Variants in CD44 observed in about 807,000 individuals in gnomAD.
CD44 encodes CD44 molecule (IN blood group), also known as CD44 antigen.
CD44 carries 49 observed loss-of-function variants against 88.8 expected under a neutral mutation model. The ratio of observed to expected loss-of-function variants is 0.55; its 90% CI spans 0.44 to 0.70. The LOEUF (loss-of-function observed/expected upper bound fraction) is 0.70. Ranked by LOEUF, CD44 falls within the 30% of genes least tolerant of loss-of-function variation. CD44 has a pLI of 0.00. For missense variants in CD44, 883 were observed against 913.8 expected, an observed-to-expected ratio of 0.97 and a Z score of 0.43; for synonymous variants, 325 against 312.3, an observed-to-expected ratio of 1.04 and a Z score of -0.43.
chr11:35,166,630 G>C (rs557838043), intron 1 of CD44, among the ~76,000 whole-genome samples: 125 of 152,336 alleles, frequency 8.2e-4, no homozygotes, highest in African/African-American at 2.9e-3. Flanking sequence ...GCCATGACAG[G>C]CTCCAGGCTC....
rs1221460305 is a variant in CD44, at chr11:35,223,648, T to C, written c.2024+1916T>C. 3.3e-5 allele frequency among the ~76,000 whole-genome samples: 5 copies of C among 152,110 alleles called. No individual in the cohort carries two copies. In the East Asian group the frequency reaches 9.6e-4, roughly 29 times the overall value. ...CACACAGGGTCCGGCACAGCGAGTATCTCACCAGGAAAGTAGCTGCTTGGA... is the reference window on the plus strand; with the variant it reads ...CACACAGGGTCCGGCACAGCGAGTACCTCACCAGGAAAGTAGCTGCTTGGA... On this transcript the variant is annotated intron_variant, in intron 17 of 17. Transcript: ENST00000428726.
chr11:35,140,369 T>A (rs142814376), intron 1 of CD44, among the ~76,000 whole-genome samples: 13 of 152,346 alleles, frequency 8.5e-5, no homozygotes, highest in African/African-American at 3.1e-4. Flanking sequence ...CCAAAATTAA[T>A]CTTTCTTTTA....
chr11:35,170,825 ATGGC>A (rs1943790131), intron 1 of CD44, among the ~76,000 whole-genome samples: 2 of 152,342 alleles, frequency 1.3e-5, no homozygotes, highest in African/African-American at 4.8e-5. Flanking sequence ...GGTTTGCAGC[ATGGC>A]TAGCACCATT....
chr11:35,188,094 T>C (rs1945874066), intron 4 of CD44, among the ~76,000 whole-genome samples: 1 of 152,196 alleles, frequency 6.6e-6, no homozygotes, highest in African/African-American at 2.4e-5. Flanking sequence ...CTGAGCTTCA[T>C]TTAATGGGAA....
intron 12 of CD44, among the ~76,000 whole-genome samples, chr11:35,208,440 T>C (rs530097668): frequency 3.9e-5 from 6 of 152,328 alleles, no homozygotes; most frequent in African/African-American, 1.4e-4. Context: ...TAAGAAAAAG[T>C]AGGACTCTAT....
At chr11:35,161,362 T>TA (rs1162005201) in intron 1 of CD44, among the ~76,000 whole-genome samples, 16 of 152,316 alleles carry the variant, frequency 1.1e-4, no homozygotes, top group Middle Eastern at 3.4e-3. Flanking sequence ...AAGCCAGGAC[T>TA]TGGACCCAAG....
At chr11:35,228,324 A>G (rs550510845) in intron 17 of CD44, among the ~76,000 whole-genome samples, 1 of 152,240 alleles carries the variant, frequency 6.6e-6, no homozygotes, top group African/African-American at 2.4e-5. Context: ...TGTATGAGTT[A>G]GCCAATGTTA....
intron 6 of CD44, chr11:35,197,090 C>A: frequency 2.1e-6 from 1 of 483,446 alleles, no homozygotes; most frequent in Non-Finnish European, 3.7e-6. Context: ...TAGTATAGAC[C>A]AGGAGAAGGC....
chr11:35,202,452 C>A (rs761495630), intron 9 of CD44, among the ~76,000 whole-genome samples: 7 of 152,140 alleles, frequency 4.6e-5, no homozygotes, highest in Non-Finnish European at 1.0e-4. Flanking sequence ...CCCCCTCACT[C>A]CCCAAACATA....
intron 3 of CD44, among the ~76,000 whole-genome samples, chr11:35,185,704 C>T (rs1211871494): frequency 6.6e-6 from 1 of 152,172 alleles, no homozygotes; most frequent in African/African-American, 2.4e-5. Flanking sequence ...AGTATGCACA[C>T]ACACACAGAA....
intron 17 of CD44, among the ~76,000 whole-genome samples, chr11:35,224,475 C>T (rs1949552081): frequency 6.6e-6 from 1 of 152,194 alleles, no homozygotes; most frequent in African/African-American, 2.4e-5. Context: ...GTGGCTCACT[C>T]CATGTGCAGT....
At chr11:35,174,438 G>A (rs7105972) in intron 1 of CD44, among the ~76,000 whole-genome samples, 1,536 of 152,322 alleles carry the variant, frequency 0.01, 16 homozygotes, top group African/African-American at 0.035. Context: ...ATTGAGGCCT[G>A]AGGAAGTGTT....
rs1184615155 is a variant in CD44 at position 35,145,076 on chromosome 11, A to T, written c.67+5706A>T. Among the ~76,000 whole-genome samples, 3 of 152,340 alleles carry T rather than the reference A, an allele frequency of 2.0e-5. No homozygotes were observed. The South Asian group carries it at 6.2e-4, about 32-fold the overall frequency. ...CTATAAGTACATGCCTGAAGGATCT[A>T]TGTGTGTGGTGGGAATTGGTGATGC... On this transcript the variant is annotated intron_variant, in intron 1 of 17. Coordinates refer to ENST00000428726, the MANE Select transcript of CD44 (RefSeq NM_000610.4).
intron 9 of CD44, 112 bp from the exon 10 acceptor site, chr11:35,204,400 T>C (rs938642636): frequency 1.0e-5 from 10 of 993,818 alleles, no homozygotes; most frequent in Non-Finnish European, 1.5e-5. Context: ...GGTGCCTTTC[T>C]TTTCTACCTT....
chr11:35,145,121 T>C (rs187730959), intron 1 of CD44, among the ~76,000 whole-genome samples: 8 of 152,360 alleles, frequency 5.3e-5, no homozygotes, highest in African/African-American at 1.7e-4. Flanking sequence ...CTAAAGACTT[T>C]CATGCCCCTT....
In CD44 at chr11:35,217,085, A is replaced by G. The variant is rs561097510; in HGVS notation, c.1873+2171A>G. On this transcript the variant is annotated intron_variant, in intron 15 of 17. Coordinates refer to ENST00000428726, the MANE Select transcript of CD44 (RefSeq NM_000610.4). ...ACCCTGGCTGGATTTGTAGACATCT[A>G]GGGCACAAGGCAAGACCTGCTATCT... 2.0e-5 allele frequency among the ~76,000 whole-genome samples: 3 copies of G among 151,986 alleles called. No individual in the cohort carries two copies. In the East Asian group the frequency reaches 5.8e-4, roughly 29 times the overall value.
At chr11:35,164,103 G>T (rs1354664730) in intron 1 of CD44, among the ~76,000 whole-genome samples, 2 of 152,034 alleles carry the variant, frequency 1.3e-5, no homozygotes, top group Non-Finnish European at 2.9e-5. Context: ...CTCAGCAGTA[G>T]AAGCTGCCAG....
At chr11:35,181,959 TTA>T (rs1451733114) in intron 3 of CD44, among the ~76,000 whole-genome samples, 4 of 68,288 alleles carry the variant, frequency 5.9e-5, no homozygotes, top group East Asian at 2.5e-4. Flanking sequence ...TATATAAATT[TTA>T]TATATATAAA....
chr11:35,145,438 C>G (rs370100832), intron 1 of CD44, among the ~76,000 whole-genome samples: 10 of 152,136 alleles, frequency 6.6e-5, no homozygotes, highest in Admixed American at 4.6e-4. Context: ...GACTGCCCAC[C>G]ACAGGCCTCA....
Sources: gnomAD v4.1 joint callset for allele counts (sites outside exome capture counted in the v4.1 genomes callset) on GRCh38, gnomAD v4.1.1 for gene constraint, MANE v1.5 for transcripts, NCBI Gene and HGNC (gene_info 2026-07-23, HGNC 2026-07-21) for gene names.